KCNAB2: variants seen among roughly 807,000 people sequenced by gnomAD.
KCNAB2 encodes the protein potassium voltage-gated channel subfamily A regulatory beta subunit 2.
A neutral mutation model predicts 63.6 loss-of-function variants in KCNAB2; 29 were observed. The ratio of observed to expected loss-of-function variants is 0.46; its 90% CI spans 0.34 to 0.62. KCNAB2 has a LOEUF of 0.62. KCNAB2 is among the 20% of genes least tolerant of loss of function. The pLI is 0.01. For missense variants in KCNAB2, 359 were observed against 563.9 expected (o/e 0.64, Z 3.68); for synonymous variants, 222 against 224.2 (o/e 0.99, Z 0.09).
At chr1:6,080,387 G>C (rs996480788) in intron 4 of KCNAB2, among the ~76,000 whole-genome samples, 1 of 152,136 alleles carries the variant, frequency 6.6e-6, no homozygotes, top group Admixed American at 6.5e-5. Flanking sequence ...GGAGGAGGCT[G>C]GGGGGGCAGC....
intron 6 of KCNAB2, 53 bp downstream of exon 6, chr1:6,085,301 T>G: frequency 6.5e-7 from 1 of 1,549,472 alleles, no homozygotes; most frequent in South Asian, 1.1e-5. Context: ...GGGCGAACTA[T>G]CCCAGGGTCA....
chr1:6,027,984 T>G (rs1659318780), intron 1 of KCNAB2, among the ~76,000 whole-genome samples: 1 of 152,240 alleles, frequency 6.6e-6, no homozygotes, highest in South Asian at 2.1e-4. Context: ...AAAGTCTGGA[T>G]GGAGCTGTCG....
At chr1:6,091,360 A>AT in intron 10 of KCNAB2, 53 bp downstream of exon 10, 1 of 1,232,386 alleles carries the variant, frequency 8.1e-7, no homozygotes, top group Non-Finnish European at 1.1e-6. Context: ...GCTGCATTTT[A>AT]TGAGACAGTA....
upstream of KCNAB2, among the ~76,000 whole-genome samples, chr1:6,043,123 TG>T (rs1660640502): frequency 6.6e-6 from 1 of 152,194 alleles, no homozygotes; most frequent in South Asian, 2.1e-4. Context: ...AACAAACATA[TG>T]CCGCTCATCC....
At position 6,069,590 on chromosome 1, in the gene KCNAB2, G is replaced by A. The variant is rs893188885; in HGVS notation, c.219-3165G>A. 2.6e-5 allele frequency among the ~76,000 whole-genome samples: 4 copies of A among 152,186 alleles called. No homozygotes were observed. Among genetic ancestry groups the A allele is most frequent in the Non-Finnish European group, 4.4e-5 (3 of 68,032 alleles). On this transcript the variant is annotated intron_variant, in intron 2 of 15. Transcript: ENST00000378083. This position sits in a 1 kb window ranked among gnomAD's most constrained non-coding sequence, Gnocchi z 5.4. ...CTTCATTAGGATGTCAGGTTTCAACGATGGGGAAGAAATCGGTAGAAAATG... is the reference window on the plus strand; with the variant it reads ...CTTCATTAGGATGTCAGGTTTCAACAATGGGGAAGAAATCGGTAGAAAATG...
At chr1:6,095,291 AGGGCCCTC>A in intron 11 of KCNAB2, 24 bp from the exon 12 acceptor site, 1 of 1,593,112 alleles carries the variant, frequency 6.3e-7, no homozygotes, top group South Asian at 1.1e-5. Flanking sequence ...CTCACAGGCA[AGGGCCCTC>A]GGGGTCCCTT....
chr1:6,039,269 T>C (rs1034760345), intron 1 of KCNAB2, among the ~76,000 whole-genome samples: 1 of 152,038 alleles, frequency 6.6e-6, no homozygotes, highest in African/African-American at 2.4e-5. Context: ...CGGCAGAGCA[T>C]AGGGGCCTGA....
upstream of KCNAB2, among the ~76,000 whole-genome samples, chr1:6,045,751 G>C (rs1246454303): frequency 1.3e-5 from 2 of 152,164 alleles, no homozygotes; most frequent in Non-Finnish European, 2.9e-5. The surrounding 1 kb of genome is among the most constrained non-coding windows in gnomAD (Gnocchi z 4.8). Flanking sequence ...AAAGAGCAAG[G>C]CCTGCCCCTT....
chr1:5,997,354 G>A (rs1335897581), intron 1 of KCNAB2, among the ~76,000 whole-genome samples: 1 of 152,176 alleles, frequency 6.6e-6, no homozygotes, highest in Non-Finnish European at 1.5e-5. Context: ...GAGGGCAGGA[G>A]GGGAGAGCCC....
upstream of KCNAB2, among the ~76,000 whole-genome samples, chr1:6,030,237 G>T (rs1473047960): frequency 6.6e-6 from 1 of 152,228 alleles, no homozygotes; most frequent in Non-Finnish European, 1.5e-5. Context: ...TGGAGCAGCT[G>T]GTTCCATGTC....
intron 1 of KCNAB2, among the ~76,000 whole-genome samples, chr1:6,004,528 G>A (rs1657443448): frequency 6.6e-6 from 1 of 151,872 alleles, no homozygotes; most frequent in South Asian, 2.1e-4. Flanking sequence ...TCCAGGCCTC[G>A]CTCCTGGTTC....
intron 1 of KCNAB2, among the ~76,000 whole-genome samples, chr1:6,019,148 C>T (rs1240924998): frequency 4.6e-5 from 7 of 151,600 alleles, no homozygotes; most frequent in Admixed American, 2.0e-4. Flanking sequence ...TAAAATTAGC[C>T]GGGGGTGGTG....
At chr1:6,084,405 A>G (rs996567872) in intron 5 of KCNAB2, among the ~76,000 whole-genome samples, 3 of 152,256 alleles carry the variant, frequency 2.0e-5, no homozygotes, top group Admixed American at 1.3e-4. Flanking sequence ...GCACACATGT[A>G]TACACACACA....
At chr1:6,054,631 A>G (rs1557459629) in intron 2 of KCNAB2, among the ~76,000 whole-genome samples, 1 of 152,176 alleles carries the variant, frequency 6.6e-6, no homozygotes, top group Non-Finnish European at 1.5e-5. Flanking sequence ...GCGGCTCAAG[A>G]ACCTGGATAC....
chr1:6,032,755 C>T (rs1372667660), upstream of KCNAB2, among the ~76,000 whole-genome samples: 4 of 152,192 alleles, frequency 2.6e-5, no homozygotes, highest in African/African-American at 7.2e-5. Flanking sequence ...TTCGCCCCTG[C>T]CTGGACGCAT....
chr1:6,099,997 A>T lies in KCNAB2; in HGVS notation c.*1423A>T. 1 of 1,542,002 alleles carries T rather than the reference A, an allele frequency of 6.5e-7. No individual in the cohort carries two copies. Among genetic ancestry groups the T allele is most frequent in the South Asian group, 1.2e-5 (1 of 82,970 alleles). On this transcript the variant is annotated 3_prime_UTR_variant, in exon 16 of 16. Transcript: ENST00000378083. ...CGCGGGGCAGGGCTCCACTGAAGCC[A>T]CCCCCACCCCTCGCCAGCTAGCTCC...
At chr1:6,049,605 C>T (rs966353757) in intron 1 of KCNAB2, among the ~76,000 whole-genome samples, 2 of 152,212 alleles carry the variant, frequency 1.3e-5, no homozygotes, top group African/African-American at 4.8e-5. Context: ...AGGGAGGGGG[C>T]CATCCAGCCC....
chr1:6,026,392 C>G (rs1659181509), intron 1 of KCNAB2: 1 of 152,354 alleles, frequency 6.6e-6, no homozygotes, highest in South Asian at 2.1e-4. Context: ...ACCTGGCGTT[C>G]CCCTGAGTGC....
chr1:6,099,983 G>C lies in KCNAB2; in HGVS notation c.*1409G>C, dbSNP rs1207583230. ...GGCTTTGCAGACCACGCGGGGCAGG[G>C]CTCCACTGAAGCCACCCCCACCCCT... is the stretch of plus-strand genomic sequence containing the variant. On this transcript the variant is annotated 3_prime_UTR_variant, in exon 16 of 16. Coordinates refer to ENST00000378083, the MANE Select transcript of KCNAB2 (RefSeq NM_001199862.2). 2 of 1,547,590 alleles carry C rather than the reference G, an allele frequency of 1.3e-6. No homozygotes were observed. Among genetic ancestry groups the C allele is most frequent in the Non-Finnish European group, 1.7e-6 (2 of 1,145,598 alleles).
Sources: gnomAD v4.1 joint callset for allele counts (sites outside exome capture counted in the v4.1 genomes callset) on GRCh38, gnomAD v4.1.1 for gene constraint, Gnocchi (gnomAD v3.1) non-coding constraint, MANE v1.5 for transcripts, NCBI Gene and HGNC (gene_info 2026-07-23, HGNC 2026-07-21) for gene names.